CORO2B: variants seen among roughly 807,000 people sequenced by gnomAD.
CORO2B encodes the protein coronin-2B.
CORO2B carries 26 observed loss-of-function variants against 58.8 expected under a neutral mutation model. That is an observed-to-expected ratio of 0.44 (90% CI 0.32 to 0.61). The LOEUF (loss-of-function observed/expected upper bound fraction) is 0.61. Among genes scored for constraint, CORO2B ranks in the 20% least tolerant of loss-of-function variants. CORO2B has a pLI of 0.04. For synonymous variants in CORO2B, 242 were observed against 253.8 expected (o/e 0.95, Z 0.44); for missense variants, 460 against 645.1 (o/e 0.71, Z 3.11).
intron 8 of CORO2B, among the ~76,000 whole-genome samples, chr15:68,716,509 C>T (rs1368702442): frequency 2.0e-5 from 3 of 152,204 alleles, no homozygotes; most frequent in Admixed American, 2.0e-4. Context: ...CATGGCCTTA[C>T]TCTCATGGAG....
At chr15:68,594,013 G>T (rs1301397851) in intron 1 of CORO2B, among the ~76,000 whole-genome samples, 1 of 152,192 alleles carries the variant, frequency 6.6e-6, no homozygotes, top group Non-Finnish European at 1.5e-5. Flanking sequence ...TGGTTGGGTG[G>T]CACAGGAAAT....
At chr15:68,605,711 GTTTTTTTT>G (rs35340917) in intron 1 of CORO2B, among the ~76,000 whole-genome samples, 1 of 99,094 alleles carries the variant, frequency 1.0e-5, no homozygotes, top group East Asian at 3.4e-4. Flanking sequence ...GGGCTCTTGG[GTTTTTTTT>G]TTTTTTTTTT....
chr15:68,605,711 GTTTTTTTTTTTTTTTT>G (rs35340917), intron 1 of CORO2B, among the ~76,000 whole-genome samples: 19 of 99,144 alleles, frequency 1.9e-4, no homozygotes, highest in South Asian at 6.7e-4. Context: ...GGGCTCTTGG[GTTTTTTTTTTTTTTTT>G]TTTTTTTTTT....
the CORO2B span, among the ~76,000 whole-genome samples, chr15:68,561,903 G>C: frequency 6.6e-6 from 1 of 152,180 alleles, no homozygotes; most frequent in South Asian, 2.1e-4. Flanking sequence ...CTGTGAGCAT[G>C]ACCGTGAGTG....
intron 1 of CORO2B, among the ~76,000 whole-genome samples, chr15:68,588,008 G>A (rs975194862): frequency 5.9e-5 from 9 of 152,236 alleles, no homozygotes; most frequent in South Asian, 2.1e-4. Flanking sequence ...GTCTCTGAGC[G>A]TCTGTGAAAA....
At chr15:68,619,584 T>G (rs969914220) in intron 1 of CORO2B, among the ~76,000 whole-genome samples, 1 of 151,986 alleles carries the variant, frequency 6.6e-6, no homozygotes, top group African/African-American at 2.4e-5. Context: ...AAAATGGACA[T>G]AGACTACCAG....
At chr15:68,605,471 A>C (rs1042373295) in intron 1 of CORO2B, among the ~76,000 whole-genome samples, 1 of 152,266 alleles carries the variant, frequency 6.6e-6, no homozygotes, top group Admixed American at 6.5e-5. Flanking sequence ...TGAATAAATT[A>C]GGAAGCATTG....
intron 1 of CORO2B, among the ~76,000 whole-genome samples, chr15:68,635,777 G>A (rs1595981147): frequency 1.3e-5 from 2 of 152,330 alleles, no homozygotes; most frequent in Admixed American, 1.3e-4. Context: ...ATAGGGGGAT[G>A]GACAAGGTTT....
chr15:68,642,063 G>A (rs1157115862), intron 1 of CORO2B, among the ~76,000 whole-genome samples: 1 of 130,796 alleles, frequency 7.6e-6, no homozygotes, highest in Non-Finnish European at 1.6e-5. Context: ...TTGAGACAGA[G>A]TCTCATTCTG....
chr15:68,602,407 T>TCTCACACACA (rs1490231961), intron 1 of CORO2B, among the ~76,000 whole-genome samples: 4 of 139,056 alleles, frequency 2.9e-5, no homozygotes, highest in African/African-American at 1.1e-4. Context: ...TAGGGGCTGA[T>TCTCACACACA]CACACACACA....
chr15:68,628,121 C>T (rs1054068517), intron 1 of CORO2B, among the ~76,000 whole-genome samples: 13 of 152,204 alleles, frequency 8.5e-5, no homozygotes, highest in Non-Finnish European at 8.8e-5. Context: ...TTAGTAATAA[C>T]AATGATAAAT....
At chr15:68,595,175 A>C (rs1414260109) in intron 1 of CORO2B, among the ~76,000 whole-genome samples, 2 of 152,246 alleles carry the variant, frequency 1.3e-5, no homozygotes, top group African/African-American at 2.4e-5. Flanking sequence ...TGGCAGCCTC[A>C]GCTGTGACTT....
intron 3 of CORO2B, among the ~76,000 whole-genome samples, chr15:68,709,888 C>A: frequency 9.5e-6 from 1 of 105,496 alleles, no homozygotes; most frequent in South Asian, 2.6e-4. Context: ...GTTCCCCCCA[C>A]CTACCACCTA....
the CORO2B span, among the ~76,000 whole-genome samples, chr15:68,532,173 G>T: frequency 6.6e-6 from 1 of 151,894 alleles, no homozygotes; most frequent in Non-Finnish European, 1.5e-5. Flanking sequence ...GACTCATTCA[G>T]GTTCTTGGAT....
intron 1 of CORO2B, among the ~76,000 whole-genome samples, chr15:68,614,146 A>G (rs1900301654): frequency 2.0e-5 from 3 of 152,216 alleles, no homozygotes; most frequent in Admixed American, 2.0e-4. Flanking sequence ...TCCCTAGAAT[A>G]TATGTCTCTG....
At chr15:68,545,806 G>T in the CORO2B span, among the ~76,000 whole-genome samples, 1 of 152,194 alleles carries the variant, frequency 6.6e-6, no homozygotes, top group Non-Finnish European at 1.5e-5. Context: ...CCCGGGGATG[G>T]CAGGAGCTGC....
chr15:68,569,076 C>A, the CORO2B span, among the ~76,000 whole-genome samples: 665 of 152,288 alleles, frequency 4.4e-3, 4 homozygotes, highest in Non-Finnish European at 7.7e-3. Context: ...CAATCTCCCC[C>A]ACTGTCAACA....
intron 5 of CORO2B, 105 bp from the exon 6 acceptor site, chr15:68,713,819 GC>G: frequency 1.3e-6 from 1 of 741,496 alleles, no homozygotes; most frequent in Non-Finnish European, 2.4e-6. Flanking sequence ...AATTGCAGGG[GC>G]CAGGGCTGAG....
At chr15:68,703,846 A>C (rs1892717079) in intron 3 of CORO2B, among the ~76,000 whole-genome samples, 1 of 152,150 alleles carries the variant, frequency 6.6e-6, no homozygotes, top group South Asian at 2.1e-4. Context: ...TAAAATGGAA[A>C]CAAACTTCAT....
Sources: gnomAD v4.1 joint callset for allele counts (sites outside exome capture counted in the v4.1 genomes callset) on GRCh38, gnomAD v4.1.1 for gene constraint, MANE v1.5 for transcripts, NCBI Gene and HGNC (gene_info 2026-07-23, HGNC 2026-07-21) for gene names.